The following PRDM16 variants were observed in gnomAD, a reference collection of about 807,000 sequenced individuals.
The protein encoded by PRDM16 is PR/SET domain 16, also known as histone-lysine N-methyltransferase PRDM16.
In PRDM16, 23 loss-of-function variants were observed where a neutral mutation model predicts 110.6. The ratio of observed to expected loss-of-function variants is 0.21; its 90% CI spans 0.15 to 0.29. The LOEUF is 0.29. PRDM16 is among the 10% of genes least tolerant of loss of function. The pLI is 1.00. For synonymous variants in PRDM16, 799 were observed against 781.8 expected, an observed-to-expected ratio of 1.02 and a Z score of -0.37; for missense variants, 1,615 against 1,794.3, an observed-to-expected ratio of 0.90 and a Z score of 1.81.
At chr1:3,395,248 C>T (rs1221040605) in intron 4 of PRDM16, among the ~76,000 whole-genome samples, 1 of 151,908 alleles carries the variant, frequency 6.6e-6, no homozygotes, top group East Asian at 1.9e-4. Flanking sequence ...CAGCTGTGTC[C>T]AGCCACAGAC....
intron 1 of PRDM16, among the ~76,000 whole-genome samples, chr1:3,178,944 G>A (rs545940763): frequency 2.6e-5 from 4 of 152,258 alleles, no homozygotes; most frequent in South Asian, 2.1e-4. Context: ...AAAACCTTCC[G>A]GTCCCACCTC....
chr1:3,081,958 C>T lies in PRDM16; in HGVS notation c.37+12662C>T, dbSNP rs935264611. Among the ~76,000 whole-genome samples, 4 of 152,222 alleles carry T rather than the reference C, an allele frequency of 2.6e-5. No individual in the cohort carries two copies. The highest frequency in any genetic ancestry group is 3.9e-4 in the East Asian group (2 of 5,186). On this transcript the variant is annotated intron_variant, in intron 1 of 16. Transcript: ENST00000270722. This position sits in a 1 kb window ranked among gnomAD's most constrained non-coding sequence, Gnocchi z 4.6. Reference sequence around the variant, plus strand: ...ATGAAGCCACAGTGTGCCAAGGCAGCGGCAAAGCCCCCGTGAGCACCAACC... The same window carrying T: ...ATGAAGCCACAGTGTGCCAAGGCAGTGGCAAAGCCCCCGTGAGCACCAACC...
At chr1:3,351,155 CAG>C (rs1642473521) in intron 3 of PRDM16, among the ~76,000 whole-genome samples, 2 of 152,286 alleles carry the variant, frequency 1.3e-5, no homozygotes, top group South Asian at 4.1e-4. Context: ...ATGTGGGTCT[CAG>C]AAGCACCTGC....
rs552360408 is a variant in PRDM16 at position 3,425,295 on chromosome 1, G to A, written c.2940-286G>A. ...GGGTTTCACCATGTCAGCCAGGATG[G>A]TCTCGATCTCCTGACCTCGTGATCC... is the stretch of plus-strand genomic sequence containing the variant. On this transcript the variant is annotated intron_variant, in intron 12 of 16. Transcript: ENST00000270722. This position sits in a 1 kb window ranked among gnomAD's most constrained non-coding sequence, Gnocchi z 6.9. The A allele has an allele frequency of 4.8e-5, 13 of 271,852 alleles. No individual in the cohort carries two copies. The highest frequency in any genetic ancestry group is 2.4e-4 in the African/African-American group (11 of 45,678). 16.8% of individuals were successfully genotyped at this position (271,852 alleles called of 1,614,324 possible).
intron 5 of PRDM16, among the ~76,000 whole-genome samples, chr1:3,400,959 C>T (rs954389436): frequency 1.3e-5 from 2 of 152,138 alleles, no homozygotes; most frequent in Non-Finnish European, 2.9e-5. Flanking sequence ...GGCATCTGTA[C>T]CTTGGTTGGC....
At chr1:3,313,606 C>G (rs1292534470) in intron 3 of PRDM16, among the ~76,000 whole-genome samples, 1 of 152,236 alleles carries the variant, frequency 6.6e-6, no homozygotes, top group Non-Finnish European at 1.5e-5. Context: ...CCTCCCAGCC[C>G]CTCACCTGCG....
chr1:3,336,513 T>C (rs1239863540), intron 3 of PRDM16, among the ~76,000 whole-genome samples: 1 of 151,506 alleles, frequency 6.6e-6, no homozygotes, highest in African/African-American at 2.4e-5. Context: ...AGCGTATTCA[T>C]GCACTTGTAT....
chr1:3,418,015 G>T lies in PRDM16; in HGVS notation c.2861+18G>T. On this transcript the variant is annotated intron_variant, in intron 11 of 16. Transcript: ENST00000270722. ...ACGTGCAGGTGAGGGGCCCTTTGGT[G>T]CTGCTGGGACAGCCCTGGCGGGGCT... is the stretch of plus-strand genomic sequence containing the variant. The T allele has an allele frequency of 6.2e-7, 1 of 1,605,160 alleles. No homozygotes were observed. Among genetic ancestry groups the T allele is most frequent in the South Asian group, 1.1e-5 (1 of 90,602 alleles).
intron 1 of PRDM16, among the ~76,000 whole-genome samples, chr1:3,113,757 C>G (rs1385936837): frequency 6.6e-6 from 1 of 152,190 alleles, no homozygotes; most frequent in Non-Finnish European, 1.5e-5. Context: ...GAACCCCCGT[C>G]TGGGGGCCCT....
chr1:3,136,098 C>G (rs1258044705), intron 1 of PRDM16, among the ~76,000 whole-genome samples: 4 of 152,134 alleles, frequency 2.6e-5, no homozygotes, highest in African/African-American at 4.8e-5. Context: ...CCTCCAGCAG[C>G]CTAGGAGCCA....
At chr1:3,302,795 C>T (rs762952363) in intron 3 of PRDM16, among the ~76,000 whole-genome samples, 12 of 152,116 alleles carry the variant, frequency 7.9e-5, no homozygotes, top group Non-Finnish European at 1.5e-4. Flanking sequence ...GGTCACAGTG[C>T]GAGAGCTGAG....
intron 12 of PRDM16, among the ~76,000 whole-genome samples, chr1:3,419,089 G>T (rs936202684): frequency 2.6e-5 from 4 of 152,186 alleles, no homozygotes; most frequent in African/African-American, 9.7e-5. Flanking sequence ...GTCCACATGG[G>T]AGAAAACCTC....
intron 3 of PRDM16, among the ~76,000 whole-genome samples, chr1:3,250,506 C>T (rs1307689458): frequency 6.6e-6 from 1 of 152,014 alleles, no homozygotes; most frequent in African/African-American, 2.4e-5. Flanking sequence ...ATTCTACTTA[C>T]CCCACCCCCA....
chr1:3,149,914 T>G (rs1216923528), intron 1 of PRDM16, among the ~76,000 whole-genome samples: 2 of 152,148 alleles, frequency 1.3e-5, no homozygotes, highest in African/African-American at 4.8e-5. Context: ...GCTGCCTAGT[T>G]CCTGTTGGGC....
chr1:3,137,730 A>G lies in PRDM16; in HGVS notation c.38-48395A>G, dbSNP rs540342689. On this transcript the variant is annotated intron_variant, in intron 1 of 16. Coordinates refer to ENST00000270722, the MANE Select transcript of PRDM16 (RefSeq NM_022114.4). ...GATGAAATATTCCTGACAGTGGAGG[A>G]GCATGCCTGCTCTTCGCAGAGTGCC... Among the ~76,000 whole-genome samples, 5 of 152,352 alleles carry G rather than the reference A, an allele frequency of 3.3e-5. No homozygotes were observed. The South Asian group carries it at 1.0e-3, about 32-fold the overall frequency.
chr1:3,371,060 C>T (rs1642896868), intron 3 of PRDM16, among the ~76,000 whole-genome samples: 1 of 151,562 alleles, frequency 6.6e-6, no homozygotes, highest in Non-Finnish European at 1.5e-5. Flanking sequence ...ATCCACCCAC[C>T]CATCCACCAT....
chr1:3,167,661 C>T (rs187403781), intron 1 of PRDM16, among the ~76,000 whole-genome samples: 17 of 50,020 alleles, frequency 3.4e-4, no homozygotes, highest in South Asian at 1.2e-3. Flanking sequence ...CCCCTGCCTC[C>T]CAGTGCCTCT....
At chr1:3,125,618 T>C (rs1643188318) in intron 1 of PRDM16, among the ~76,000 whole-genome samples, 1 of 152,268 alleles carries the variant, frequency 6.6e-6, no homozygotes, top group Non-Finnish European at 1.5e-5. Context: ...TGCAGGTCCC[T>C]GGACCGGGCT....
At chr1:3,262,307 G>A (rs929417764) in intron 3 of PRDM16, among the ~76,000 whole-genome samples, 2 of 152,182 alleles carry the variant, frequency 1.3e-5, no homozygotes, top group African/African-American at 4.8e-5. Context: ...CTTCCCCCAG[G>A]GACTCCACAT....
Sources: allele counts gnomAD v4.1 joint callset (sites outside exome capture counted in the v4.1 genomes callset), GRCh38; gene constraint gnomAD v4.1.1; non-coding constraint Gnocchi (gnomAD v3.1); transcripts MANE v1.5; gene names NCBI Gene and HGNC (gene_info 2026-07-23, HGNC 2026-07-21).